The following LARP7 variants were observed in gnomAD, a reference collection of about 807,000 sequenced individuals.
The protein encoded by LARP7 is La ribonucleoprotein 7, transcriptional regulator.
LARP7 carries 52 observed loss-of-function variants against 69.3 expected under a neutral mutation model. That is an observed-to-expected ratio of 0.75 (90% CI 0.60 to 0.95). LARP7 has a LOEUF of 0.95. Ranked by LOEUF, LARP7 falls within the 40% of genes least tolerant of loss-of-function variation. LARP7 has a pLI of 0.00. For missense variants in LARP7, 733 were observed against 673.0 expected (o/e 1.09, Z -0.99); for synonymous variants, 254 against 215.9 (o/e 1.18, Z -1.55).
At chr4:112,649,508 C>T (rs1274463831) in intron 8 of LARP7, 27 bp from the exon 9 acceptor site, 1 of 1,544,390 alleles carries the variant, frequency 6.5e-7, no homozygotes, top group Non-Finnish European at 8.7e-7. Context: ...ATTTAGTCAT[C>T]TGTTATCACC....
intron 8 of LARP7, chr4:112,648,284 T>G (rs2149270605): frequency 1.9e-6 from 1 of 528,340 alleles, no homozygotes. Context: ...TAGAATCCTT[T>G]AACCTGTAAC....
intron 11 of LARP7, among the ~76,000 whole-genome samples, chr4:112,653,857 C>T (rs553707660): frequency 6.6e-6 from 1 of 152,326 alleles, no homozygotes; most frequent in East Asian, 1.9e-4. Flanking sequence ...GATCCTCCCT[C>T]CTCGCCCTCC....
chr4:112,646,787 A>G lies in LARP7; in HGVS notation c.388-4A>G. Reference sequence around the variant, plus strand: ...ACTCTAATATTGCTTTTAATTTATAATAGGAGTTACTTCCCAAAAATGTTA... The same window carrying G: ...ACTCTAATATTGCTTTTAATTTATAGTAGGAGTTACTTCCCAAAAATGTTA... On this transcript the variant is annotated splice_region_variant and splice_polypyrimidine_tract_variant and intron_variant, in intron 4 of 12. Transcript: ENST00000344442. 4 of 1,577,090 alleles carry G rather than the reference A, an allele frequency of 2.5e-6. No individual in the cohort carries two copies. Among genetic ancestry groups the G allele is most frequent in the Non-Finnish European group, 3.4e-6 (4 of 1,167,098 alleles).
At chr4:112,639,589 A>C (rs987069712) in intron 1 of LARP7, among the ~76,000 whole-genome samples, 1 of 151,992 alleles carries the variant, frequency 6.6e-6, no homozygotes, top group African/African-American at 2.4e-5. Flanking sequence ...TGTTACGGGA[A>C]GGTGCTAAGG....
chr4:112,648,433 A>G, intron 8 of LARP7: 1 of 534,660 alleles, frequency 1.9e-6, no homozygotes, highest in Admixed American at 1.9e-5. Context: ...AGCAAAGGGG[A>G]TCCCTTCAAA....
At chr4:112,647,593 ATT>A in intron 7 of LARP7, 44 bp downstream of exon 7, 1 of 1,471,188 alleles carries the variant, frequency 6.8e-7, no homozygotes, top group Non-Finnish European at 9.1e-7. Flanking sequence ...ATTAATTTTA[ATT>A]AATTAGTTTT....
At position 112,647,414 on chromosome 4, in the gene LARP7, C is replaced by A; in HGVS notation, c.862C>A (p.Pro288Thr). 2 of 1,613,968 alleles carry A rather than the reference C, an allele frequency of 1.2e-6. No individual in the cohort carries two copies. The highest frequency in any genetic ancestry group is 2.2e-5 in the South Asian group (2 of 91,064). The part of the protein sequence containing the change: ...KRDRVEASSL[P>T]EVRTGKRKRS... ...GGACAGAGTTGAAGCATCTAGCTTA[C>A]CTGAAGTCAGAACAGGGAAGAGGAA... Residue 288 changes from proline (P) to threonine (T), a missense_variant, in exon 7 of 13, where the codon CCT becomes ACT. Coordinates refer to ENST00000344442, the MANE Select transcript of LARP7 (RefSeq NM_016648.4).
At chr4:112,649,469 A>G in intron 8 of LARP7, 66 bp from the exon 9 acceptor site, 1 of 1,323,142 alleles carries the variant, frequency 7.6e-7, no homozygotes, top group African/African-American at 1.5e-5. Context: ...GAATGTATAT[A>G]TTTAGATATT....
chr4:112,648,924 TAA>T (rs1032841876), intron 8 of LARP7, among the ~76,000 whole-genome samples: 3 of 140,158 alleles, frequency 2.1e-5, no homozygotes. Context: ...ATCTTCCTCT[TAA>T]AAAAAAAAAA....
At chr4:112,657,199 TG>T in intron 12 of LARP7, 47 bp from the exon 13 acceptor site, 5 of 883,112 alleles carry the variant, frequency 5.7e-6, no homozygotes, top group South Asian at 1.8e-5. Flanking sequence ...TGTGTGTGTG[TG>T]TTTTGAGTAT....
In LARP7 at chr4:112,647,261, AAAG is replaced by A. The variant is rs767770745; in HGVS notation, c.715_717del (p.Glu239del). On this transcript the variant is annotated inframe_deletion, in exon 7 of 13. Transcript: ENST00000344442. Reference sequence around the variant, plus strand: ...GAAAAAGGAAGACAATATCCAAGCCAAAGAAGAAAACATGGACACAAGCAACAC... The same window carrying A: ...GAAAAAGGAAGACAATATCCAAGCCAAAGAAAACATGGACACAAGCAACAC... 256 of 1,611,892 alleles carry A rather than the reference AAAG, an allele frequency of 1.6e-4. 1 individual carries two copies. Among genetic ancestry groups the A allele is most frequent in the East Asian group, 2.5e-4 (11 of 44,880 alleles).
At chr4:112,642,080 G>A (rs75219278) in intron 1 of LARP7, among the ~76,000 whole-genome samples, 2,931 of 152,250 alleles carry the variant, frequency 0.019, 93 homozygotes, top group East Asian at 0.11. Flanking sequence ...AAGAAGACTC[G>A]TTTGGAAGCT....
At chr4:112,637,418 C>T (rs1165971291) in intron 1 of LARP7, 179 bp downstream of exon 1, 1 of 152,328 alleles carries the variant, frequency 6.6e-6, no homozygotes, top group African/African-American at 2.4e-5. Context: ...TCTTCGGCAG[C>T]ACTTGTAGTT....
intron 1 of LARP7, among the ~76,000 whole-genome samples, chr4:112,643,860 GAAGAGAAGAAGA>G (rs1167484813): frequency 1.3e-5 from 2 of 151,512 alleles, no homozygotes; most frequent in South Asian, 2.1e-4. Context: ...AAAGAAAAGA[GAAGAGAAGAAGA>G]AAGAGAAGAG....
At chr4:112,649,726 T>TTGC in intron 9 of LARP7, 40 bp downstream of exon 9, 2 of 1,353,716 alleles carry the variant, frequency 1.5e-6, no homozygotes, top group Non-Finnish European at 2.0e-6. Flanking sequence ...TATAATGTAC[T>TTGC]TATATATGTA....
chr4:112,647,427 CAGGGAAG>C lies in LARP7; in HGVS notation c.879_885del (p.Lys294ArgfsTer11). ...GCATCTAGCTTACCTGAAGTCAGAA[CAGGGAAG>C]AGGAAGAGAAGCAGCTCTGAAGATG... is the stretch of plus-strand genomic sequence containing the variant. On this transcript the variant is annotated frameshift_variant, in exon 7 of 13. Coordinates refer to ENST00000344442, the MANE Select transcript of LARP7 (RefSeq NM_016648.4). LOFTEE classifies it high-confidence loss of function. 8 of 1,614,030 alleles carry C rather than the reference CAGGGAAG, an allele frequency of 5.0e-6. No homozygotes were observed. Among genetic ancestry groups the C allele is most frequent in the Non-Finnish European group, 5.9e-6 (7 of 1,180,010 alleles).
chr4:112,641,836 G>A (rs2047976667), intron 1 of LARP7, among the ~76,000 whole-genome samples: 1 of 152,158 alleles, frequency 6.6e-6, no homozygotes, highest in African/African-American at 2.4e-5. Flanking sequence ...GGAGGTGTCA[G>A]GTGGACAGTT....
At chr4:112,646,717 CAATATAATTA>C (rs2048277992) in intron 4 of LARP7, 46 bp downstream of exon 4, 2 of 1,550,972 alleles carry the variant, frequency 1.3e-6, no homozygotes, top group Non-Finnish European at 1.7e-6. Context: ...GGCACAGAAA[CAATATAATTA>C]AGTTAAAAAT....
intron 2 of LARP7, among the ~76,000 whole-genome samples, chr4:112,645,139 A>G (rs889558024): frequency 1.1e-4 from 17 of 151,504 alleles, no homozygotes; most frequent in African/African-American, 4.1e-4. Flanking sequence ...TAGAGATGGG[A>G]TTTTACTGTG....
Sources: gnomAD v4.1 joint callset for allele counts (sites outside exome capture counted in the v4.1 genomes callset) on GRCh38, gnomAD v4.1.1 for gene constraint, MANE v1.5 for transcripts, NCBI Gene and HGNC (gene_info 2026-07-23, HGNC 2026-07-21) for gene names.